The following REV1 variants were observed in gnomAD, a reference collection of about 807,000 sequenced individuals.
The protein encoded by REV1 is REV1 DNA directed polymerase.
Under a neutral mutation model 137.4 loss-of-function variants are expected in REV1, and 42 were observed. The observed-to-expected ratio is 0.31, with a 90% CI of 0.24 to 0.40. The LOEUF is 0.40. REV1 is among the 10% of genes least tolerant of loss of function. REV1 has a pLI of 1.00. For missense variants in REV1, 1,282 were observed against 1,490.1 expected, an observed-to-expected ratio of 0.86 and a Z score of 2.30; for synonymous variants, 524 against 519.2, an observed-to-expected ratio of 1.01 and a Z score of -0.12.
intron 9 of REV1, 106 bp from the exon 10 acceptor site, chr2:99,424,386 C>T (rs1436335165): frequency 8.4e-7 from 1 of 1,195,784 alleles, no homozygotes; most frequent in African/African-American, 1.5e-5. Flanking sequence ...ATAATTTCCA[C>T]TTAACTCCAT....
chr2:99,465,076 TA>T, intron 1 of REV1, 91 bp from the exon 2 acceptor site: 2 of 1,101,484 alleles, frequency 1.8e-6, no homozygotes, highest in Non-Finnish European at 2.7e-6. Flanking sequence ...AATGAGAAAT[TA>T]AATTCAAATG....
chr2:99,420,354 A>G (rs1375412621), intron 11 of REV1, among the ~76,000 whole-genome samples: 1 of 152,160 alleles, frequency 6.6e-6, no homozygotes, highest in Non-Finnish European at 1.5e-5. Flanking sequence ...GTCATATGCA[A>G]CCTAACCACC....
chr2:99,456,859 G>GA (rs1422826879), intron 3 of REV1, among the ~76,000 whole-genome samples: 38 of 152,150 alleles, frequency 2.5e-4, no homozygotes, highest in African/African-American at 9.2e-4. Context: ...AGAGGCAAAA[G>GA]AACAAACAGA....
chr2:99,443,894 G>A (rs1681830193), intron 4 of REV1, among the ~76,000 whole-genome samples: 1 of 151,760 alleles, frequency 6.6e-6, no homozygotes, highest in Non-Finnish European at 1.5e-5. Flanking sequence ...CCAGGCTGGA[G>A]TGCAGTGGCG....
At chr2:99,416,867 C>G (rs914601593) in intron 12 of REV1, among the ~76,000 whole-genome samples, 1 of 134,002 alleles carries the variant, frequency 7.5e-6, no homozygotes, top group Non-Finnish European at 1.5e-5. Flanking sequence ...GAGCCGAGAT[C>G]GCACCATTGC....
At chr2:99,441,228 G>A (rs527366014) in intron 5 of REV1, among the ~76,000 whole-genome samples, 1 of 152,222 alleles carries the variant, frequency 6.6e-6, no homozygotes, top group Non-Finnish European at 1.5e-5. Flanking sequence ...GAATATGCTT[G>A]TGAGTACAAG....
chr2:99,444,762 T>C (rs1001813115), intron 4 of REV1, among the ~76,000 whole-genome samples: 7 of 152,208 alleles, frequency 4.6e-5, no homozygotes, highest in African/African-American at 1.2e-4. Flanking sequence ...TATAGATATA[T>C]AGACAGAAAC....
intron 4 of REV1, among the ~76,000 whole-genome samples, chr2:99,447,091 T>A (rs1309064646): frequency 6.6e-6 from 1 of 152,094 alleles, no homozygotes; most frequent in African/African-American, 2.4e-5. Context: ...TGGGATGTTA[T>A]AGGGACGAGC....
intron 1 of REV1, among the ~76,000 whole-genome samples, chr2:99,469,923 C>A (rs1274570493): frequency 2.0e-5 from 3 of 151,872 alleles, no homozygotes; most frequent in Non-Finnish European, 4.4e-5. Context: ...AGATCGAGAC[C>A]ATACTGGCTA....
intron 3 of REV1, among the ~76,000 whole-genome samples, chr2:99,461,190 C>T (rs1000768071): frequency 6.6e-6 from 1 of 152,204 alleles, no homozygotes; most frequent in African/African-American, 2.4e-5. Context: ...CTAAATTCAT[C>T]ATCAATGATG....
intron 9 of REV1, among the ~76,000 whole-genome samples, chr2:99,427,881 T>C (rs190548775): frequency 5.9e-5 from 9 of 152,300 alleles, no homozygotes; most frequent in South Asian, 2.1e-4. Flanking sequence ...TGTCCTCATA[T>C]AGTCACCCCA....
chr2:99,410,925 T>C (rs1320468096), intron 13 of REV1, 58 bp from the exon 14 acceptor site: 1 of 1,392,606 alleles, frequency 7.2e-7, no homozygotes, highest in African/African-American at 1.5e-5. Flanking sequence ...ACCTAATAAT[T>C]GTTCTCAAGT....
chr2:99,426,956 G>A (rs1483499720), intron 9 of REV1, among the ~76,000 whole-genome samples: 9 of 152,158 alleles, frequency 5.9e-5, no homozygotes, highest in East Asian at 1.9e-4. Context: ...AGGCCAAGGC[G>A]AGCGGGTCAC....
At chr2:99,407,480 A>G (rs1313135376) in intron 15 of REV1, among the ~76,000 whole-genome samples, 1 of 151,308 alleles carries the variant, frequency 6.6e-6, no homozygotes, top group Non-Finnish European at 1.5e-5. Flanking sequence ...TGAACCCAGG[A>G]GGCGGAAGTT....
chr2:99,476,086 T>C (rs780522577), intron 1 of REV1, among the ~76,000 whole-genome samples: 2 of 152,224 alleles, frequency 1.3e-5, no homozygotes, highest in Non-Finnish European at 2.9e-5. Context: ...TTTACGTAAC[T>C]TTTTCTATGC....
intron 10 of REV1, among the ~76,000 whole-genome samples, 176 bp downstream of exon 10, chr2:99,423,976 G>A (rs1418813311): frequency 6.6e-6 from 1 of 152,190 alleles, no homozygotes; most frequent in Non-Finnish European, 1.5e-5. Context: ...TTGAGATTGA[G>A]CTACCTGGAA....
intron 9 of REV1, chr2:99,424,761 T>C: frequency 7.7e-7 from 1 of 1,303,064 alleles, no homozygotes; most frequent in Non-Finnish European, 1.0e-6. Flanking sequence ...CAAAATGTAC[T>C]CATCCTATTA....
chr2:99,430,088 C>A, intron 8 of REV1, 140 bp from the exon 9 acceptor site: 1 of 471,448 alleles, frequency 2.1e-6, no homozygotes, highest in Non-Finnish European at 3.7e-6. Context: ...GGTATTATCT[C>A]CTTATCTAAT....
chr2:99,410,985 C>G, intron 13 of REV1, 118 bp from the exon 14 acceptor site: 1 of 965,894 alleles, frequency 1.0e-6, no homozygotes, highest in Non-Finnish European at 1.5e-6. Flanking sequence ...TCACGCTCAG[C>G]ATCTATTAAA....
Sources: allele counts gnomAD v4.1 joint callset (sites outside exome capture counted in the v4.1 genomes callset), GRCh38; gene constraint gnomAD v4.1.1; transcripts MANE v1.5; gene names NCBI Gene and HGNC (gene_info 2026-07-23, HGNC 2026-07-21).